The following VPS37A variants were observed in gnomAD, a reference collection of about 807,000 sequenced individuals.
VPS37A encodes the protein VPS37A subunit of ESCRT-I.
VPS37A carries 30 observed loss-of-function variants against 49.8 expected under a neutral mutation model. That is an observed-to-expected ratio of 0.60 (90% CI 0.45 to 0.82). The LOEUF is 0.82. VPS37A is among the 40% of genes least tolerant of loss of function. The pLI is 0.00. For missense variants in VPS37A, 593 were observed against 464.4 expected, an observed-to-expected ratio of 1.28 and a Z score of -2.55; for synonymous variants, 195 against 160.6, an observed-to-expected ratio of 1.21 and a Z score of -1.62.
At chr8:17,314,754 T>G in the VPS37A span, among the ~76,000 whole-genome samples, 1 of 152,182 alleles carries the variant, frequency 6.6e-6, no homozygotes, top group African/African-American at 2.4e-5. Context: ...TCCAAAATCT[T>G]CCTTCCAAAT....
At position 17,247,268 on chromosome 8, in the gene VPS37A, C is replaced by T. The variant is rs146098391; in HGVS notation, c.24C>T (p.Thr8=). Residue 8 remains threonine (T), a synonymous_variant, in exon 1 of 12, where the codon ACC becomes ACT. Transcript: ENST00000324849. MSWLFPL[T]KSASSSAAGS... is the part of the protein sequence containing the mutation. The stretch of plus-strand genomic sequence containing the variant: ...GGATGAGCTGGCTTTTTCCCCTGAC[C>T]AAGAGCGCCTCCTCCTCCGCGGCTG... The T allele has an allele frequency of 6.6e-4, 1,036 of 1,570,566 alleles. 7 individuals carry two copies. The African/African-American group carries it at 0.012, about 19-fold the overall frequency.
At chr8:17,274,655 A>T in intron 4 of VPS37A, 78 bp from the exon 5 acceptor site, 1 of 1,193,934 alleles carries the variant, frequency 8.4e-7, no homozygotes. Context: ...GACCTTTGTT[A>T]TTTAGAACAA....
At chr8:17,256,540 A>T (rs1443605197) in intron 1 of VPS37A, among the ~76,000 whole-genome samples, 2 of 151,676 alleles carry the variant, frequency 1.3e-5, no homozygotes, top group African/African-American at 4.9e-5. Context: ...TTCGGTAGTT[A>T]ATCCTTTGTC....
chr8:17,319,033 G>T, the VPS37A span, among the ~76,000 whole-genome samples: 1 of 152,206 alleles, frequency 6.6e-6, no homozygotes, highest in Non-Finnish European at 1.5e-5. Flanking sequence ...CTGCCATCTT[G>T]GGGAAATAGG....
downstream of VPS37A, among the ~76,000 whole-genome samples, chr8:17,303,558 T>G (rs1817262334): frequency 6.6e-6 from 1 of 151,592 alleles, no homozygotes; most frequent in South Asian, 2.1e-4. Flanking sequence ...ACATACCTAG[T>G]AGAACTTGTA....
intron 1 of VPS37A, among the ~76,000 whole-genome samples, chr8:17,259,183 C>G (rs1198489840): frequency 6.6e-6 from 1 of 151,974 alleles, no homozygotes; most frequent in Admixed American, 6.5e-5. Context: ...TATTTGAAGT[C>G]TTTTTACTTT....
chr8:17,256,896 C>A (rs1563242063), intron 1 of VPS37A, among the ~76,000 whole-genome samples: 1 of 152,092 alleles, frequency 6.6e-6, no homozygotes, highest in Non-Finnish European at 1.5e-5. Flanking sequence ...AGATGATCGG[C>A]CTGCCTTGGC....
intron 1 of VPS37A, among the ~76,000 whole-genome samples, chr8:17,256,570 GT>G (rs1812482027): frequency 6.6e-6 from 1 of 151,694 alleles, no homozygotes; most frequent in African/African-American, 2.4e-5. Flanking sequence ...GTTTACAAAA[GT>G]TTTCTCCCGT....
At chr8:17,302,290 A>G (rs1179686030), downstream of VPS37A, 1 of 1,612,290 alleles carries the variant, frequency 6.2e-7, no homozygotes, top group Admixed American at 1.7e-5. Context: ...CCTGGAAAGG[A>G]TGGCAAAGCG....
At chr8:17,314,252 A>G in the VPS37A span, among the ~76,000 whole-genome samples, 1 of 152,188 alleles carries the variant, frequency 6.6e-6, no homozygotes, top group Non-Finnish European at 1.5e-5. Flanking sequence ...CAATCAACCA[A>G]TGAAATTCAA....
intron 1 of VPS37A, among the ~76,000 whole-genome samples, chr8:17,260,609 G>A (rs942454226): frequency 6.6e-6 from 1 of 152,018 alleles, no homozygotes; most frequent in Admixed American, 6.6e-5. Context: ...TCAGACTGAT[G>A]AACTCCCTTT....
chr8:17,302,461 G>T, downstream of VPS37A: 1 of 570,788 alleles, frequency 1.8e-6, no homozygotes, highest in Non-Finnish European at 2.9e-6. Context: ...TCTTGGGTCA[G>T]TAAATGCCTT....
intron 2 of VPS37A, among the ~76,000 whole-genome samples, chr8:17,266,755 G>GAT (rs1465684566): frequency 6.6e-6 from 1 of 152,044 alleles, no homozygotes; most frequent in African/African-American, 2.4e-5. Flanking sequence ...CTGTGTTAAC[G>GAT]ATATATATGA....
At chr8:17,301,550 T>A (rs1471245337), downstream of VPS37A, 5 of 152,158 alleles carry the variant, frequency 3.3e-5, no homozygotes, top group Non-Finnish European at 7.3e-5. Flanking sequence ...AATTTTGACT[T>A]TGTAATAAGG....
chr8:17,327,767 A>G, the VPS37A span, among the ~76,000 whole-genome samples: 4 of 152,208 alleles, frequency 2.6e-5, no homozygotes, highest in African/African-American at 9.6e-5. Context: ...TAATTTGTAA[A>G]AAATTGGGTG....
chr8:17,275,514 T>C (rs897299041), intron 5 of VPS37A, among the ~76,000 whole-genome samples: 2 of 152,104 alleles, frequency 1.3e-5, no homozygotes, highest in Non-Finnish European at 2.9e-5. Context: ...GGCTGCCATA[T>C]AGGGTGTGGG....
At chr8:17,317,798 G>A in the VPS37A span, among the ~76,000 whole-genome samples, 101 of 152,224 alleles carry the variant, frequency 6.6e-4, 2 homozygotes, top group Middle Eastern at 3.4e-3. Flanking sequence ...ATAAATTGCA[G>A]CTTTTTTTTC....
the VPS37A span, among the ~76,000 whole-genome samples, chr8:17,313,605 G>A: frequency 4.6e-5 from 7 of 152,110 alleles, no homozygotes; most frequent in Admixed American, 4.6e-4. Flanking sequence ...ACCTTCTCTG[G>A]TCACAGGGAA....
chr8:17,332,624 C>G, the VPS37A span, among the ~76,000 whole-genome samples: 1 of 152,202 alleles, frequency 6.6e-6, no homozygotes, highest in Non-Finnish European at 1.5e-5. Context: ...TGCTGCTGCC[C>G]AGCATCACAA....
Sources: allele counts gnomAD v4.1 joint callset (sites outside exome capture counted in the v4.1 genomes callset), GRCh38; gene constraint gnomAD v4.1.1; transcripts MANE v1.5; gene names NCBI Gene and HGNC (gene_info 2026-07-23, HGNC 2026-07-21).